ST3GAL3: variants seen among roughly 807,000 people sequenced by gnomAD.
ST3GAL3 encodes the protein CMP-N-acetylneuraminate-beta-1,4-galactoside alpha-2,3-sialyltransferase.
ST3GAL3 carries 21 observed loss-of-function variants against 50.1 expected under a neutral mutation model. The observed-to-expected ratio is 0.42, with a 90% CI of 0.30 to 0.60. ST3GAL3 has a LOEUF of 0.60. Among genes scored for constraint, ST3GAL3 ranks in the 20% least tolerant of loss-of-function variants. The probability of loss-of-function intolerance (pLI) is 0.19; values close to 1 mark genes in which losing one functional copy is unlikely to be tolerated. For missense variants in ST3GAL3, 353 were observed against 489.4 expected, an observed-to-expected ratio of 0.72 and a Z score of 2.63; for synonymous variants, 183 against 190.0, an observed-to-expected ratio of 0.96 and a Z score of 0.30.
At chr1:43,917,533 TA>T (rs1296848472) in intron 9 of ST3GAL3, among the ~76,000 whole-genome samples, 3 of 88,732 alleles carry the variant, frequency 3.4e-5, no homozygotes, top group African/African-American at 1.4e-4. Context: ...TTATATTATA[TA>T]ATATATTATG....
At chr1:43,866,594 A>T (rs1262331158) in intron 5 of ST3GAL3, among the ~76,000 whole-genome samples, 3 of 152,044 alleles carry the variant, frequency 2.0e-5, no homozygotes, top group Non-Finnish European at 4.4e-5. Flanking sequence ...AAGGTAAAAA[A>T]AAAAAAAAGA....
intron 3 of ST3GAL3, chr1:43,801,500 A>G: frequency 2.5e-6 from 1 of 402,478 alleles, no homozygotes; most frequent in Non-Finnish European, 5.0e-6. Flanking sequence ...CTGGAACAGG[A>G]TGTGACTGCA....
chr1:43,875,950 CTTATTATTATTA>C (rs200892055), intron 5 of ST3GAL3, among the ~76,000 whole-genome samples: 1,200 of 73,960 alleles, frequency 0.016, 9 homozygotes, highest in Middle Eastern at 0.037. Flanking sequence ...TCTTCTTCTT[CTTATTATTATTA>C]TTATTATTAT....
At chr1:43,864,317 T>C (rs1558635113) in intron 5 of ST3GAL3, among the ~76,000 whole-genome samples, 1 of 152,230 alleles carries the variant, frequency 6.6e-6, no homozygotes, top group East Asian at 1.9e-4. Context: ...GTGGGCAGTG[T>C]GGTTACTGTA....
intron 1 of ST3GAL3, among the ~76,000 whole-genome samples, chr1:43,709,117 G>A (rs890944647): frequency 1.3e-5 from 2 of 152,164 alleles, no homozygotes; most frequent in South Asian, 2.1e-4. Context: ...GTGGGTAGCC[G>A]GCTGTATGAA....
intron 3 of ST3GAL3, among the ~76,000 whole-genome samples, chr1:43,805,386 A>T (rs2059755709): frequency 6.6e-6 from 1 of 152,276 alleles, no homozygotes; most frequent in South Asian, 2.1e-4. Flanking sequence ...GGAGAAGAGC[A>T]GTTCCCTGAA....
intron 5 of ST3GAL3, among the ~76,000 whole-genome samples, chr1:43,870,894 C>T (rs2154246322): frequency 6.6e-6 from 1 of 152,220 alleles, no homozygotes; most frequent in Non-Finnish European, 1.5e-5. Context: ...GCCAAGTGGG[C>T]CAGGAGTCTG....
intron 5 of ST3GAL3, among the ~76,000 whole-genome samples, chr1:43,855,875 AGCATAAACAGGTATACTAACGACAG>A (rs1184401700): frequency 8.7e-4 from 132 of 152,354 alleles, no homozygotes; most frequent in Non-Finnish European, 1.1e-3. Flanking sequence ...TTTATTGCCT[AGCATAAACAGGTATACTAACGACAG>A]GCATGAACAG....
In ST3GAL3 at chr1:43,898,762, G is replaced by GT. The variant is rs111659333; in HGVS notation, c.462-404dup. ...CTTGAGTCCTAGAGCCTCCTGTCCC[G>GT]TTCCCCTTTTCTTGCTTTCCTGGTA... On this transcript the variant is annotated intron_variant, in intron 7 of 11. Coordinates refer to ENST00000347631, the MANE Select transcript of ST3GAL3 (RefSeq NM_006279.5). Among the ~76,000 whole-genome samples the GT allele has an allele frequency of 5.9e-5, 9 of 152,190 alleles. 2 individuals carry two copies. Among genetic ancestry groups the GT allele is most frequent in the African/African-American group, 2.2e-4 (9 of 41,534 alleles).
chr1:43,715,756 T>A (rs1232924892), intron 1 of ST3GAL3, among the ~76,000 whole-genome samples: 3 of 152,204 alleles, frequency 2.0e-5, no homozygotes, highest in African/African-American at 7.2e-5. Context: ...GTACTGCACT[T>A]CAGCATGGGT....
intron 5 of ST3GAL3, among the ~76,000 whole-genome samples, chr1:43,886,196 C>T (rs2154260742): frequency 6.6e-6 from 1 of 152,320 alleles, no homozygotes. Context: ...GCCTAGCCAA[C>T]ATGGTGAAAC....
At chr1:43,848,971 A>C (rs575509169) in intron 5 of ST3GAL3, among the ~76,000 whole-genome samples, 2 of 152,278 alleles carry the variant, frequency 1.3e-5, no homozygotes, top group South Asian at 2.1e-4. Flanking sequence ...CTGTGTTTTT[A>C]ATCTCTGTAG....
chr1:43,713,522 ATTTTTTT>A (rs556526111), intron 1 of ST3GAL3, among the ~76,000 whole-genome samples: 14 of 122,130 alleles, frequency 1.1e-4, no homozygotes, highest in Middle Eastern at 4.5e-3. Flanking sequence ...ACGTTGTGGG[ATTTTTTT>A]TTTTTTTTTT....
chr1:43,806,775 G>GA (rs1169989917), intron 3 of ST3GAL3, among the ~76,000 whole-genome samples: 5 of 152,122 alleles, frequency 3.3e-5, no homozygotes, highest in Non-Finnish European at 7.4e-5. Context: ...CTGTAGCCTC[G>GA]AATTTCCGGG....
intron 1 of ST3GAL3, among the ~76,000 whole-genome samples, chr1:43,734,297 CTTTTTTTTTTG>C (rs1253972964): frequency 8.7e-6 from 1 of 114,424 alleles, no homozygotes; most frequent in African/African-American, 3.2e-5. Flanking sequence ...TCTTCTTCTT[CTTTTTTTTTTG>C]TTTTTTTTTT....
At chr1:43,773,236 C>T (rs541285693) in intron 2 of ST3GAL3, among the ~76,000 whole-genome samples, 4 of 152,204 alleles carry the variant, frequency 2.6e-5, no homozygotes, top group African/African-American at 9.6e-5. Context: ...CTCCAGCGGG[C>T]GTGATTTTGG....
intron 4 of ST3GAL3, among the ~76,000 whole-genome samples, chr1:43,828,263 A>G (rs1419984359): frequency 6.6e-6 from 1 of 152,246 alleles, no homozygotes; most frequent in Non-Finnish European, 1.5e-5. Flanking sequence ...TGGAACCTAA[A>G]TAGACTAAAT....
chr1:43,831,047 A>G (rs1170363464), intron 4 of ST3GAL3, among the ~76,000 whole-genome samples: 1 of 152,218 alleles, frequency 6.6e-6, no homozygotes, highest in Non-Finnish European at 1.5e-5. Flanking sequence ...TCTTCCCATC[A>G]GCCCTATAAA....
intron 5 of ST3GAL3, among the ~76,000 whole-genome samples, chr1:43,845,585 A>G (rs1437398323): frequency 6.6e-6 from 1 of 152,012 alleles, no homozygotes; most frequent in Non-Finnish European, 1.5e-5. Context: ...TCAAATAACT[A>G]GCTTTTAGTT....
Sources: gnomAD v4.1 joint callset for allele counts (sites outside exome capture counted in the v4.1 genomes callset) on GRCh38, gnomAD v4.1.1 for gene constraint, MANE v1.5 for transcripts, NCBI Gene and HGNC (gene_info 2026-07-23, HGNC 2026-07-21) for gene names.